Variants in PGAP1 observed in about 807,000 individuals in gnomAD.
PGAP1 encodes post-GPI attachment to proteins inositol deacylase 1.
PGAP1 carries 76 observed loss-of-function variants against 127.0 expected under a neutral mutation model. The ratio of observed to expected loss-of-function variants is 0.60; its 90% CI spans 0.50 to 0.72. The LOEUF is 0.72. Ranked by LOEUF, PGAP1 falls within the 30% of genes least tolerant of loss-of-function variation. PGAP1 has a pLI of 0.00. For synonymous variants in PGAP1, 362 were observed against 366.5 expected (o/e 0.99, Z 0.14); for missense variants, 982 against 1,071.3 (o/e 0.92, Z 1.16).
In PGAP1 at chr2:196,840,107, T is replaced by G. The variant is rs1700365513; in HGVS notation, c.*1127A>C. 6.6e-6 allele frequency: 1 copy of G among 152,218 alleles called. No individual in the cohort carries two copies. Among genetic ancestry groups the G allele is most frequent in the African/African-American group, 2.4e-5 (1 of 41,452 alleles). The allele number at this position is 152,218 out of a possible 1,614,324, so 9.4% of individuals were successfully genotyped here. On this transcript the variant is annotated 3_prime_UTR_variant, in exon 27 of 27. Transcript: ENST00000354764. ...TGAAATAAAATGTTACTCTTATTTG[T>G]CAAACAGTAATCCCAGAAGTCACCT... is the stretch of plus-strand genomic sequence containing the variant.
chr2:196,869,227 T>C lies in PGAP1; in HGVS notation c.1767+1714A>G, dbSNP rs1033596580. On this transcript the variant is annotated intron_variant, in intron 19 of 26. Transcript: ENST00000354764. ...ACTGAATTATGAGACACAGGAATTATATGGATAAGAGAATATGTTATATTC... is the reference window on the plus strand; with the variant it reads ...ACTGAATTATGAGACACAGGAATTACATGGATAAGAGAATATGTTATATTC... 3.9e-5 allele frequency among the ~76,000 whole-genome samples: 6 copies of C among 152,204 alleles called. No individual in the cohort carries two copies. The East Asian group carries it at 5.8e-4, about 15-fold the overall frequency.
At chr2:196,854,281 A>C (rs1700807856) in intron 20 of PGAP1, among the ~76,000 whole-genome samples, 1 of 152,110 alleles carries the variant, frequency 6.6e-6, no homozygotes. Flanking sequence ...CCAAGAATAT[A>C]TCTCTCATCT....
At position 196,893,176 on chromosome 2, in the gene PGAP1, A is replaced by T; in HGVS notation, c.997T>A (p.Phe333Ile). The T allele has an allele frequency of 6.3e-7, 1 of 1,598,390 alleles. No individual in the cohort carries two copies. Among genetic ancestry groups the T allele is most frequent in the African/African-American group, 1.3e-5 (1 of 74,460 alleles). ...GAAATTATAGCTGGATTTTCCTCAA[A>T]ATGTTTTGATGGGTGTCTTATAAAG... ...HHFIRHPSKH[F>I]EENPAIISDL... Residue 333 changes from phenylalanine to isoleucine, a missense_variant, in exon 8 of 27, where the codon TTT (phenylalanine) becomes ATT (isoleucine). Transcript: ENST00000354764.
chr2:196,904,134 T>C (rs955710590), intron 4 of PGAP1, among the ~76,000 whole-genome samples: 2 of 152,192 alleles, frequency 1.3e-5, no homozygotes, highest in Admixed American at 6.5e-5. Flanking sequence ...TTTAAAAATA[T>C]ATCATTGAAA....
At chr2:196,926,393 G>C in intron 1 of PGAP1, 77 bp downstream of exon 1, 1 of 1,599,766 alleles carries the variant, frequency 6.3e-7, no homozygotes, top group East Asian at 2.2e-5. Context: ...GCCAAGGCAG[G>C]ACGAACCCAC....
At chr2:196,842,154 T>C (rs558157847) in intron 26 of PGAP1, among the ~76,000 whole-genome samples, 34 of 150,822 alleles carry the variant, frequency 2.3e-4, no homozygotes, top group African/African-American at 6.8e-4. Flanking sequence ...ACTCTGAAAA[T>C]AGAGAAACTG....
At chr2:196,917,617 T>C (rs1337453620) in intron 2 of PGAP1, among the ~76,000 whole-genome samples, 1 of 152,136 alleles carries the variant, frequency 6.6e-6, no homozygotes, top group Non-Finnish European at 1.5e-5. Context: ...GGAACTGGCT[T>C]CTTTCACATA....
At chr2:196,878,381 A>G (rs1027164231) in intron 13 of PGAP1, among the ~76,000 whole-genome samples, 1 of 152,176 alleles carries the variant, frequency 6.6e-6, no homozygotes, top group Non-Finnish European at 1.5e-5. Flanking sequence ...TTTTGACTAC[A>G]TCTCACCACA....
chr2:196,847,353 T>C (rs1251790176), intron 21 of PGAP1, 153 bp from the exon 22 acceptor site: 1 of 576,234 alleles, frequency 1.7e-6, no homozygotes, highest in Non-Finnish European at 3.0e-6. Flanking sequence ...ATTCTTTGTA[T>C]GGAACAAGTC....
In PGAP1 at chr2:196,858,111, T is replaced by G. The variant is rs1379439061; in HGVS notation, c.1861+6876A>C. Among the ~76,000 whole-genome samples, 7 of 152,202 alleles carry G rather than the reference T, an allele frequency of 4.6e-5. No homozygotes were observed. The East Asian group carries it at 1.4e-3, about 29-fold the overall frequency. ...CTCTTTAAAATTTTTTTTAAAAAAT[T>G]TGACTCCTGGCTGGGTGTGGTGGCT... is the stretch of plus-strand genomic sequence containing the variant. On this transcript the variant is annotated intron_variant, in intron 20 of 26. Coordinates refer to ENST00000354764, the MANE Select transcript of PGAP1 (RefSeq NM_024989.4).
At chr2:196,870,637 C>T (rs1216970601) in intron 19 of PGAP1, among the ~76,000 whole-genome samples, 1 of 152,114 alleles carries the variant, frequency 6.6e-6, no homozygotes, top group East Asian at 1.9e-4. Flanking sequence ...GTTTGAGAAT[C>T]AGGTATCAGC....
At chr2:196,856,217 A>G (rs1003085835) in intron 20 of PGAP1, among the ~76,000 whole-genome samples, 1 of 152,032 alleles carries the variant, frequency 6.6e-6, no homozygotes, top group Non-Finnish European at 1.5e-5. Flanking sequence ...GGTTTTTGCC[A>G]TGCTGGCCAA....
At chr2:196,846,620 C>T (rs1245267511) in intron 22 of PGAP1, among the ~76,000 whole-genome samples, 1 of 152,164 alleles carries the variant, frequency 6.6e-6, no homozygotes, top group Non-Finnish European at 1.5e-5. Flanking sequence ...TTATATATCT[C>T]ATCTAATCTG....
chr2:196,862,193 A>G (rs1009591023), intron 20 of PGAP1, among the ~76,000 whole-genome samples: 4 of 152,134 alleles, frequency 2.6e-5, no homozygotes, highest in Non-Finnish European at 4.4e-5. Context: ...GAAAGAGAAT[A>G]CGCGCCTGAG....
intron 5 of PGAP1, among the ~76,000 whole-genome samples, chr2:196,902,115 A>AC (rs1431334586): frequency 1.3e-5 from 2 of 152,068 alleles, no homozygotes; most frequent in African/African-American, 4.8e-5. Flanking sequence ...GAACTCCTGG[A>AC]CTCAAGTGAT....
intron 10 of PGAP1, among the ~76,000 whole-genome samples, chr2:196,887,244 C>T (rs750100803): frequency 6.6e-6 from 1 of 151,852 alleles, no homozygotes; most frequent in African/African-American, 2.4e-5. Flanking sequence ...ATTAGCTGGG[C>T]GTGGTGGTGG....
intron 3 of PGAP1, 38 bp from the exon 4 acceptor site, chr2:196,913,091 G>C: frequency 6.5e-7 from 1 of 1,550,176 alleles, no homozygotes; most frequent in Non-Finnish European, 8.7e-7. Context: ...TTGCGGCTTT[G>C]TATCATTTTT....
intron 1 of PGAP1, among the ~76,000 whole-genome samples, chr2:196,921,797 G>T (rs1237228821): frequency 6.6e-6 from 1 of 151,942 alleles, no homozygotes; most frequent in Admixed American, 6.6e-5. Context: ...GTATGGAGAT[G>T]GGCAAATAAG....
At chr2:196,911,556 T>C (rs1357555189) in intron 4 of PGAP1, among the ~76,000 whole-genome samples, 1 of 89,272 alleles carries the variant, frequency 1.1e-5, no homozygotes, top group Non-Finnish European at 2.0e-5. Flanking sequence ...TGTATACATA[T>C]GTAACTAACC....
Sources: gnomAD v4.1 joint callset for allele counts (sites outside exome capture counted in the v4.1 genomes callset) on GRCh38, gnomAD v4.1.1 for gene constraint, MANE v1.5 for transcripts, NCBI Gene and HGNC (gene_info 2026-07-23, HGNC 2026-07-21) for gene names.